The following ARHGEF10 variants were observed in gnomAD, a reference collection of about 807,000 sequenced individuals.
The protein encoded by ARHGEF10 is Rho guanine nucleotide exchange factor (GEF) 10.
Under a neutral mutation model 147.4 loss-of-function variants are expected in ARHGEF10, and 140 were observed. That is an observed-to-expected ratio of 0.95 (90% CI 0.83 to 1.09). The LOEUF (loss-of-function observed/expected upper bound fraction) is 1.09. ARHGEF10 is among the 50% of genes least tolerant of loss of function. The probability of loss-of-function intolerance (pLI) is 0.00; values close to 1 mark genes in which losing one functional copy is unlikely to be tolerated. For synonymous variants in ARHGEF10, 902 were observed against 695.8 expected (o/e 1.30, Z -4.67); for missense variants, 2,222 against 1,752.7 (o/e 1.27, Z -4.78).
At chr8:1,887,860 G>A (rs1808826812) in intron 11 of ARHGEF10, among the ~76,000 whole-genome samples, 1 of 149,638 alleles carries the variant, frequency 6.7e-6, no homozygotes, top group Non-Finnish European at 1.5e-5. Context: ...GGGATGTGAG[G>A]GGTCTGTGGG....
intron 18 of ARHGEF10, among the ~76,000 whole-genome samples, chr8:1,918,324 C>G (rs912500729): frequency 6.6e-6 from 1 of 152,056 alleles, no homozygotes; most frequent in African/African-American, 2.4e-5. Context: ...GTCTGATGAT[C>G]CGGCAGACAT....
At position 1,828,535 on chromosome 8, in the gene ARHGEF10, G is replaced by GCA. The variant is rs60268081; in HGVS notation, c.-48+4426_-48+4427dup. ...ATTACATTTTGATAAACCGTGGCAT[G>GCA]CACACTTACTGTTTTAAGGAATTAC... On this transcript the variant is annotated intron_variant, in intron 1 of 28. Transcript: ENST00000349830. 9.5e-4 allele frequency among the ~76,000 whole-genome samples: 138 copies of GCA among 145,200 alleles called. 1 individual carries two copies. Among genetic ancestry groups the GCA allele is most frequent in the African/African-American group, 3.3e-3 (126 of 38,246 alleles).
chr8:1,888,477 G>A (rs1363726186), intron 11 of ARHGEF10, among the ~76,000 whole-genome samples: 1 of 139,894 alleles, frequency 7.1e-6, no homozygotes, highest in African/African-American at 2.8e-5. Context: ...GTATTGAGGA[G>A]ACACTGAGTG....
chr8:1,938,847 C>T (rs1202354439), intron 26 of ARHGEF10, among the ~76,000 whole-genome samples: 1 of 152,202 alleles, frequency 6.6e-6, no homozygotes, highest in Middle Eastern at 3.4e-3. Context: ...AATCTCAGTC[C>T]CCAGAAAATC....
rs1157439666 is a variant in ARHGEF10, at chr8:1,948,887, C to T, written c.3397+3232C>T. On this transcript the variant is annotated intron_variant, in intron 27 of 28. Transcript: ENST00000349830. This position sits in a 1 kb window ranked among gnomAD's most constrained non-coding sequence, Gnocchi z 4.9. The stretch of plus-strand genomic sequence containing the variant: ...CTGAGGTCGCCGGGCCGTCACTGCT[C>T]CTGGGTTCTTCTCCTCCTTATCGTC... 3.9e-5 allele frequency among the ~76,000 whole-genome samples: 6 copies of T among 152,136 alleles called. No homozygotes were observed. In the South Asian group the frequency reaches 8.3e-4, roughly 21 times the overall value.
At chr8:1,898,634 T>A in intron 15 of ARHGEF10, 109 bp downstream of exon 15, 1 of 1,070,306 alleles carries the variant, frequency 9.3e-7, no homozygotes, top group Non-Finnish European at 1.4e-6. Context: ...TCGGGCCTCC[T>A]CATCTCCTCT....
At chr8:1,879,139 A>G (rs529493444) in intron 8 of ARHGEF10, among the ~76,000 whole-genome samples, 5 of 152,234 alleles carry the variant, frequency 3.3e-5, no homozygotes, top group Non-Finnish European at 1.5e-5. Flanking sequence ...AAAACTTCCT[A>G]AAGTGTCTGT....
intron 18 of ARHGEF10, among the ~76,000 whole-genome samples, chr8:1,916,894 T>A (rs967387446): frequency 6.6e-6 from 1 of 152,254 alleles, no homozygotes; most frequent in Non-Finnish European, 1.5e-5. Context: ...CTCTCCAGCC[T>A]TTTCCTCACA....
chr8:1,882,574 A>T, intron 9 of ARHGEF10, 61 bp from the exon 10 acceptor site: 1 of 1,355,992 alleles, frequency 7.4e-7, no homozygotes, highest in South Asian at 1.2e-5. Flanking sequence ...AAAACAGGCA[A>T]ATGAAAGTCG....
At chr8:1,952,228 C>T (rs1815114874) in intron 27 of ARHGEF10, among the ~76,000 whole-genome samples, 1 of 152,200 alleles carries the variant, frequency 6.6e-6, no homozygotes, top group African/African-American at 2.4e-5. Flanking sequence ...CTCTAGGGTC[C>T]AACTGCGGCT....
At chr8:1,884,163 G>A (rs867167796) in intron 10 of ARHGEF10, among the ~76,000 whole-genome samples, 1 of 152,152 alleles carries the variant, frequency 6.6e-6, no homozygotes, top group Non-Finnish European at 1.5e-5. Flanking sequence ...GGAGGCCGAG[G>A]CGGGCAGATC....
At chr8:1,884,148 T>C (rs1350274306) in intron 10 of ARHGEF10, among the ~76,000 whole-genome samples, 4 of 152,060 alleles carry the variant, frequency 2.6e-5, no homozygotes, top group African/African-American at 4.8e-5. Context: ...AATCCCAGCA[T>C]TTTTGGAGGC....
intron 1 of ARHGEF10, among the ~76,000 whole-genome samples, chr8:1,827,459 C>T (rs190166667): frequency 2.0e-5 from 3 of 152,328 alleles, no homozygotes; most frequent in Non-Finnish European, 2.9e-5. Flanking sequence ...TAAGCACCCA[C>T]CACCGTGCCC....
chr8:1,935,508 T>C (rs1366084361), intron 26 of ARHGEF10, among the ~76,000 whole-genome samples: 2 of 152,170 alleles, frequency 1.3e-5, no homozygotes, highest in African/African-American at 2.4e-5. Context: ...TTTCTTCAGA[T>C]TGACAGAAGG....
chr8:1,875,864 G>C (rs1350377734), intron 7 of ARHGEF10, among the ~76,000 whole-genome samples: 1 of 152,220 alleles, frequency 6.6e-6, no homozygotes, highest in African/African-American at 2.4e-5. Context: ...GTGAATGACT[G>C]TGGATGCATA....
At chr8:1,890,725 T>C (rs1159669489) in intron 11 of ARHGEF10, among the ~76,000 whole-genome samples, 3 of 136,652 alleles carry the variant, frequency 2.2e-5, no homozygotes, top group African/African-American at 8.7e-5. Context: ...TGTCACTGGG[T>C]AAGAGTCGAG....
In ARHGEF10 at chr8:1,952,703, A is replaced by G. The variant is rs781356971; in HGVS notation, c.3398-2A>G. On this transcript the variant is annotated splice_acceptor_variant, in intron 27 of 28. Transcript: ENST00000349830. LOFTEE classifies it high-confidence loss of function. ...CGAAGCCACTCATGTCTTTCCGCCC[A>G]GGGCACCAGCGGCTGTCGGTGACGA... 2 of 1,613,502 alleles carry G rather than the reference A, an allele frequency of 1.2e-6. No individual in the cohort carries two copies. The highest frequency in any genetic ancestry group is 2.2e-5 in the East Asian group (1 of 44,866).
chr8:1,950,139 C>T (rs1814911263), intron 27 of ARHGEF10, among the ~76,000 whole-genome samples: 1 of 152,186 alleles, frequency 6.6e-6, no homozygotes, highest in African/African-American at 2.4e-5. Flanking sequence ...TGTGCAGCTG[C>T]ATCACCGTTC....
chr8:1,853,050 G>A (rs946723405), intron 2 of ARHGEF10, among the ~76,000 whole-genome samples: 12 of 140,788 alleles, frequency 8.5e-5, no homozygotes, highest in South Asian at 4.2e-4. Flanking sequence ...GATTTGGGCC[G>A]GGCGCTGGCG....
Sources: allele counts gnomAD v4.1 joint callset (sites outside exome capture counted in the v4.1 genomes callset), GRCh38; gene constraint gnomAD v4.1.1; non-coding constraint Gnocchi (gnomAD v3.1); transcripts MANE v1.5; gene names NCBI Gene and HGNC (gene_info 2026-07-23, HGNC 2026-07-21).